The following LANCL1 variants were observed in gnomAD, a reference collection of about 807,000 sequenced individuals.
LANCL1 encodes the protein LanC like glutathione S-transferase 1, also known as glutathione S-transferase LANCL1.
In LANCL1, 50 loss-of-function variants were observed where a neutral mutation model predicts 50.6. The ratio of observed to expected loss-of-function variants is 0.99; its 90% CI spans 0.79 to 1.25. The LOEUF is 1.25. Among genes scored for constraint, LANCL1 ranks in the 50% most tolerant of loss-of-function variants. The pLI, the probability that LANCL1 is intolerant of heterozygous loss-of-function variation, is 0.00. For missense variants in LANCL1, 532 were observed against 480.7 expected (o/e 1.11, Z -1.00); for synonymous variants, 188 against 178.6 (o/e 1.05, Z -0.42).
At chr2:210,456,847 G>C (rs912145511) in intron 3 of LANCL1, among the ~76,000 whole-genome samples, 6 of 152,124 alleles carry the variant, frequency 3.9e-5, no homozygotes, top group Admixed American at 3.9e-4. Context: ...TTTTCTTTCA[G>C]ATCTTTGTCT....
At chr2:210,439,928 C>A (rs1399180206) in intron 6 of LANCL1, among the ~76,000 whole-genome samples, 1 of 152,176 alleles carries the variant, frequency 6.6e-6, no homozygotes, top group East Asian at 1.9e-4. Context: ...TTCAGAAGTG[C>A]CAGTTTCTCC....
Position 210,440,702 on chromosome 2 carries a change from T to C in LANCL1, c.586A>G (p.Lys196Glu), listed in dbSNP as rs766875108. Reference protein sequence around the residue: ...ILTSGENLARKRNFTAKSPLM... With the variant: ...ILTSGENLARERNFTAKSPLM... The stretch of plus-strand genomic sequence containing the variant: ...GGAGACTTTGCCGTGAAGTTTCTCT[T>C]CCTAGCTAGGTTTTCTCCAGAGGTT... Residue 196 changes from lysine to glutamate, a missense_variant, in exon 6 of 10, where the codon AAG (lysine) becomes GAG (glutamate). Transcript: ENST00000450366. The C allele has an allele frequency of 1.9e-6, 3 of 1,613,888 alleles. No individual in the cohort carries two copies. The African/African-American group carries it at 4.0e-5, about 22-fold the overall frequency.
intron 2 of LANCL1, among the ~76,000 whole-genome samples, chr2:210,473,217 A>G (rs1694271338): frequency 6.6e-6 from 1 of 152,132 alleles, no homozygotes; most frequent in African/African-American, 2.4e-5. Flanking sequence ...CTCTACTAAA[A>G]ATACAAAATT....
chr2:210,452,913 G>T (rs956693247), intron 4 of LANCL1, among the ~76,000 whole-genome samples: 1 of 151,904 alleles, frequency 6.6e-6, no homozygotes, highest in African/African-American at 2.4e-5. Flanking sequence ...TGAGAAAAAA[G>T]GTTTAGTAAA....
In LANCL1 at chr2:210,434,399, T is replaced by C; in HGVS notation, c.*88A>G. On this transcript the variant is annotated 3_prime_UTR_variant, in exon 10 of 10. Transcript: ENST00000450366. ...ATCAAGTCCACAGTTTGACTCTTTG[T>C]TTCCTTGGAAAGCAACGGAAGCACT... The C allele has an allele frequency of 1.0e-6, 1 of 960,774 alleles. No individual in the cohort carries two copies. Among genetic ancestry groups the C allele is most frequent in the Non-Finnish European group, 1.6e-6 (1 of 634,412 alleles). The allele number at this position is 960,774 out of a possible 1,614,324, so 59.5% of individuals were successfully genotyped here.
intron 3 of LANCL1, among the ~76,000 whole-genome samples, chr2:210,459,617 G>T (rs1693782645): frequency 6.6e-6 from 1 of 152,138 alleles, no homozygotes; most frequent in African/African-American, 2.4e-5. Flanking sequence ...ACATTCCAAG[G>T]AGAGTACTGC....
intron 3 of LANCL1, among the ~76,000 whole-genome samples, chr2:210,465,880 T>C (rs558350253): frequency 6.6e-6 from 1 of 152,198 alleles, no homozygotes; most frequent in African/African-American, 2.4e-5. Flanking sequence ...ACAAAGGACA[T>C]GCATTAGTAA....
chr2:210,465,936 A>T (rs1228405479), intron 3 of LANCL1, among the ~76,000 whole-genome samples: 1 of 152,202 alleles, frequency 6.6e-6, no homozygotes, highest in East Asian at 1.9e-4. Flanking sequence ...GGAACAGACT[A>T]ACTCTACTGT....
intron 4 of LANCL1, among the ~76,000 whole-genome samples, chr2:210,451,331 G>A (rs1693505376): frequency 6.6e-6 from 1 of 152,072 alleles, no homozygotes; most frequent in Admixed American, 6.6e-5. Flanking sequence ...CAGGGGGTGG[G>A]GGACTAGGGG....
At chr2:210,456,206 T>C (rs180888394) in intron 3 of LANCL1, among the ~76,000 whole-genome samples, 37 of 152,312 alleles carry the variant, frequency 2.4e-4, no homozygotes, top group Admixed American at 3.9e-4. Flanking sequence ...ATTTTTTCCC[T>C]TGAAGTACAT....
chr2:210,441,109 C>T (rs766382895), intron 5 of LANCL1, among the ~76,000 whole-genome samples, 199 bp downstream of exon 5: 2 of 152,162 alleles, frequency 1.3e-5, no homozygotes, highest in African/African-American at 2.4e-5. Flanking sequence ...GACTGGCCTT[C>T]GGACTCTTGA....
intron 6 of LANCL1, 47 bp downstream of exon 6, chr2:210,440,551 A>T (rs768439651): frequency 2.6e-6 from 4 of 1,562,202 alleles, no homozygotes; most frequent in Non-Finnish European, 3.5e-6. Flanking sequence ...ATGATAGTAC[A>T]TGGGTCAGGA....
intron 3 of LANCL1, among the ~76,000 whole-genome samples, chr2:210,463,962 T>G (rs1403961597): frequency 2.6e-5 from 4 of 152,364 alleles, no homozygotes; most frequent in East Asian, 1.9e-4. Flanking sequence ...AAAGTTCATG[T>G]TAACCAATCT....
At chr2:210,472,308 AAC>A (rs1694249865) in intron 2 of LANCL1, among the ~76,000 whole-genome samples, 2 of 152,216 alleles carry the variant, frequency 1.3e-5, no homozygotes, top group East Asian at 3.8e-4. Context: ...TAAATACTAA[AAC>A]AGACTGCCAA....
chr2:210,467,321 G>A (rs1210333706), intron 3 of LANCL1, among the ~76,000 whole-genome samples: 2 of 152,132 alleles, frequency 1.3e-5, no homozygotes, highest in Admixed American at 6.5e-5. Flanking sequence ...CAAAGTTACT[G>A]AGTGTTCCTG....
At chr2:210,447,400 C>G (rs1399503486) in intron 4 of LANCL1, among the ~76,000 whole-genome samples, 1 of 152,210 alleles carries the variant, frequency 6.6e-6, no homozygotes, top group Non-Finnish European at 1.5e-5. Context: ...ACTGCAAAAA[C>G]ATACCAAATT....
In LANCL1 at chr2:210,476,734, G is replaced by A. The variant is rs1455903814; in HGVS notation, c.-131C>T. ...CCTGGCCTCTCACCCCGCAGCCCCGGACAGTAACAGAAGGGCTATTTTACC... is the reference window on the plus strand; with the variant it reads ...CCTGGCCTCTCACCCCGCAGCCCCGAACAGTAACAGAAGGGCTATTTTACC... On this transcript the variant is annotated 5_prime_UTR_variant, in exon 1 of 10. Coordinates refer to ENST00000450366, the MANE Select transcript of LANCL1 (RefSeq NM_006055.3). 1 of 1,088,812 alleles carries A rather than the reference G, an allele frequency of 9.2e-7. No homozygotes were observed. The highest frequency in any genetic ancestry group is 1.1e-6 in the Non-Finnish European group (1 of 894,036). 67.4% of individuals were successfully genotyped at this position (1,088,812 alleles called of 1,614,324 possible). A position where few individuals can be genotyped will look rare whatever the true frequency, so the allele number is the denominator to read the frequency against.
intron 4 of LANCL1, among the ~76,000 whole-genome samples, chr2:210,452,524 T>C (rs1454196215): frequency 6.6e-6 from 1 of 152,122 alleles, no homozygotes; most frequent in Non-Finnish European, 1.5e-5. Flanking sequence ...GTAGGACAAT[T>C]TGAACATGAA....
chr2:210,435,560 C>G, intron 8 of LANCL1, 101 bp from the exon 9 acceptor site: 1 of 837,996 alleles, frequency 1.2e-6, no homozygotes, highest in Non-Finnish European at 2.1e-6. Context: ...AAATCAAACA[C>G]TACCTTCACA....
Sources: allele counts gnomAD v4.1 joint callset (sites outside exome capture counted in the v4.1 genomes callset), GRCh38; gene constraint gnomAD v4.1.1; transcripts MANE v1.5; gene names NCBI Gene and HGNC (gene_info 2026-07-23, HGNC 2026-07-21).